CLEC16A: variants seen among roughly 807,000 people sequenced by gnomAD.
CLEC16A encodes the protein C-type lectin domain containing 16A.
A neutral mutation model predicts 109.5 loss-of-function variants in CLEC16A; 51 were observed. The observed-to-expected ratio is 0.47, with a 90% confidence interval of 0.37 to 0.59. The LOEUF is 0.59. CLEC16A is among the 20% of genes least tolerant of loss of function. CLEC16A has a pLI of 0.00. For synonymous variants in CLEC16A, 673 were observed against 564.2 expected (o/e 1.19, Z -2.73); for missense variants, 1,339 against 1,394.0 (o/e 0.96, Z 0.63).
intron 12 of CLEC16A, chr16:11,024,139 G>C (rs1226569224): frequency 6.6e-6 from 1 of 152,206 alleles, no homozygotes; most frequent in Non-Finnish European, 1.5e-5. Context: ...TAGTGCCCTT[G>C]GTATATTAAA....
At chr16:10,967,968 C>T (rs1302658894) in intron 3 of CLEC16A, among the ~76,000 whole-genome samples, 1 of 152,268 alleles carries the variant, frequency 6.6e-6, no homozygotes, top group Admixed American at 6.5e-5. Flanking sequence ...CAAGATCCTA[C>T]AGGTCTGACA....
intron 10 of CLEC16A, among the ~76,000 whole-genome samples, chr16:10,983,304 T>C (rs2043433076): frequency 6.6e-6 from 1 of 152,202 alleles, no homozygotes; most frequent in South Asian, 2.1e-4. Flanking sequence ...GAGGAACTAA[T>C]GTCTACAGAA....
chr16:11,027,387 A>G, intron 13 of CLEC16A: 9 of 1,410,996 alleles, frequency 6.4e-6, no homozygotes, highest in Non-Finnish European at 8.9e-6. Context: ...TGTCTTTGTA[A>G]AAGTCACCCC....
intron 21 of CLEC16A, 78 bp from the exon 22 acceptor site, chr16:11,125,901 A>T: frequency 2.3e-5 from 8 of 347,792 alleles, no homozygotes; most frequent in Non-Finnish European, 4.1e-5. Context: ...AGCCACTACG[A>T]TGTCCCCCCC....
intron 22 of CLEC16A, among the ~76,000 whole-genome samples, chr16:11,141,930 A>C (rs1194090448): frequency 6.6e-6 from 1 of 152,228 alleles, no homozygotes; most frequent in Non-Finnish European, 1.5e-5. Context: ...CGCAGGTCAC[A>C]CAACAGGAAG....
At chr16:11,039,162 C>G (rs1412075773) in intron 13 of CLEC16A, among the ~76,000 whole-genome samples, 2 of 152,140 alleles carry the variant, frequency 1.3e-5, no homozygotes, top group Non-Finnish European at 2.9e-5. Flanking sequence ...TTTTTCTACT[C>G]CCTTCCCTGT....
intron 20 of CLEC16A, among the ~76,000 whole-genome samples, chr16:11,121,636 T>G (rs1299071785): frequency 6.6e-6 from 1 of 151,676 alleles, no homozygotes; most frequent in East Asian, 1.9e-4. Flanking sequence ...TCCCAGCACT[T>G]TGAGGGGCCA....
At chr16:11,088,189 A>T (rs1300171829) in intron 19 of CLEC16A, among the ~76,000 whole-genome samples, 4 of 152,204 alleles carry the variant, frequency 2.6e-5, no homozygotes, top group Non-Finnish European at 5.9e-5. Context: ...GCTGAATCAG[A>T]TGAAAGAAAT....
At chr16:11,095,632 T>C (rs1459004912) in intron 19 of CLEC16A, among the ~76,000 whole-genome samples, 1 of 151,868 alleles carries the variant, frequency 6.6e-6, no homozygotes, top group African/African-American at 2.4e-5. Flanking sequence ...GCCAACATGG[T>C]AAAACCCCAT....
intron 18 of CLEC16A, among the ~76,000 whole-genome samples, chr16:11,057,554 T>C (rs1037704071): frequency 3.3e-5 from 5 of 152,240 alleles, no homozygotes; most frequent in South Asian, 4.1e-4. Flanking sequence ...TCCAGACTCA[T>C]TGAAGCAAAG....
Position 10,984,949 on chromosome 16 carries a change from C to T in CLEC16A, c.1071+1958C>T, listed in dbSNP as rs1342679317. On this transcript the variant is annotated intron_variant, in intron 10 of 23. Transcript: ENST00000409790. ...GGGCACGGTGGCTCACCCCTGTAAT[C>T]CCAGCACTTTGGGAGGCCGAGGCGG... Among the ~76,000 whole-genome samples, 4 of 152,088 alleles carry T rather than the reference C, an allele frequency of 2.6e-5. No individual in the cohort carries two copies. In the East Asian group the frequency reaches 7.7e-4, roughly 29 times the overall value.
chr16:11,032,520 G>C (rs1597130391), intron 13 of CLEC16A, among the ~76,000 whole-genome samples: 1 of 152,368 alleles, frequency 6.6e-6, no homozygotes, highest in East Asian at 1.9e-4. Context: ...AAGCCCAGAT[G>C]AGTCTCACTG....
At chr16:11,082,642 C>T (rs182570062) in intron 19 of CLEC16A, among the ~76,000 whole-genome samples, 5 of 152,304 alleles carry the variant, frequency 3.3e-5, no homozygotes, top group Admixed American at 2.0e-4. Context: ...TGGGCCAGCT[C>T]AGCCCTGGCG....
At chr16:10,988,278 C>A (rs2043792832) in intron 10 of CLEC16A, among the ~76,000 whole-genome samples, 1 of 151,976 alleles carries the variant, frequency 6.6e-6, no homozygotes, top group Admixed American at 6.6e-5. Context: ...TTTTTGCATT[C>A]ATTCATTTAT....
intron 1 of CLEC16A, among the ~76,000 whole-genome samples, chr16:10,945,829 C>T (rs2041333687): frequency 6.6e-6 from 1 of 152,222 alleles, no homozygotes; most frequent in African/African-American, 2.4e-5. Context: ...TTGAGTGCTT[C>T]TCCACTCTCT....
At chr16:11,114,342 C>T (rs1474114803) in intron 19 of CLEC16A, among the ~76,000 whole-genome samples, 1 of 152,060 alleles carries the variant, frequency 6.6e-6, no homozygotes, top group African/African-American at 2.4e-5. Flanking sequence ...TAAGCCCCAC[C>T]CCTGTAGAAT....
chr16:10,992,256 C>G (rs1450655424), intron 10 of CLEC16A, among the ~76,000 whole-genome samples: 1 of 151,088 alleles, frequency 6.6e-6, no homozygotes, highest in East Asian at 1.9e-4. Context: ...GTTGACCACC[C>G]TCTCCCCATC....
chr16:10,969,809 A>G (rs1477162662), intron 4 of CLEC16A, among the ~76,000 whole-genome samples: 3 of 152,158 alleles, frequency 2.0e-5, no homozygotes, highest in Non-Finnish European at 4.4e-5. Context: ...GTGTCACCTT[A>G]AGGAAGTCCC....
At chr16:11,004,421 C>T (rs550145519) in intron 11 of CLEC16A, among the ~76,000 whole-genome samples, 1 of 152,276 alleles carries the variant, frequency 6.6e-6, no homozygotes, top group South Asian at 2.1e-4. Flanking sequence ...ATGAACTTGG[C>T]ATCTCCTCAG....
Sources: gnomAD v4.1 joint callset for allele counts (sites outside exome capture counted in the v4.1 genomes callset) on GRCh38, gnomAD v4.1.1 for gene constraint, MANE v1.5 for transcripts, NCBI Gene and HGNC (gene_info 2026-07-23, HGNC 2026-07-21) for gene names.